Variants in TALDO1 observed in about 807,000 individuals in gnomAD.
TALDO1 encodes transaldolase 1, also known as transaldolase.
Under a neutral mutation model 38.1 loss-of-function variants are expected in TALDO1, and 29 were observed. The ratio of observed to expected loss-of-function variants is 0.76; its 90% CI spans 0.57 to 1.04. The LOEUF is 1.04. Ranked by LOEUF, TALDO1 falls within the 50% of genes least tolerant of loss-of-function variation. TALDO1 has a pLI of 0.00. For synonymous variants in TALDO1, 207 were observed against 176.8 expected (o/e 1.17, Z -1.36); for missense variants, 499 against 438.1 (o/e 1.14, Z -1.24).
chr11:763,987 C>T (rs1416091215), intron 6 of TALDO1, 43 bp downstream of exon 6: 11 of 1,593,894 alleles, frequency 6.9e-6, no homozygotes, highest in Non-Finnish European at 9.4e-6. Flanking sequence ...TCGGGCAAGG[C>T]CAGCACTGCC....
At position 760,103 on chromosome 11, in the gene TALDO1, G is replaced by T; in HGVS notation, c.330-19G>T. 1 of 1,613,578 alleles carries T rather than the reference G, an allele frequency of 6.2e-7. No individual in the cohort carries two copies. The highest frequency in any genetic ancestry group is 8.5e-7 in the Non-Finnish European group (1 of 1,179,782). On this transcript the variant is annotated intron_variant, in intron 3 of 7. Transcript: ENST00000319006. The stretch of plus-strand genomic sequence containing the variant: ...CAACCTGCGTGATCTGAGGGGATGG[G>T]TTCTTCTTGCTCCTACAGGCTCTCC...
intron 1 of TALDO1, 60 bp downstream of exon 1, chr11:747,638 G>C: frequency 7.1e-7 from 1 of 1,412,710 alleles, no homozygotes; most frequent in Non-Finnish European, 9.6e-7. Context: ...CCGGCGCCCC[G>C]ATTTCCCCGG....
chr11:760,504 G>T, intron 4 of TALDO1: 1 of 511,864 alleles, frequency 2.0e-6, no homozygotes, highest in Non-Finnish European at 3.5e-6. Flanking sequence ...ACTCAGCAGA[G>T]AAGAAAAGCC....
intron 1 of TALDO1, chr11:755,606 A>G: frequency 2.1e-6 from 1 of 477,774 alleles, no homozygotes; most frequent in East Asian, 4.0e-5. Context: ...CAGCTGTCGC[A>G]CCGCTCACTC....
intron 1 of TALDO1, among the ~76,000 whole-genome samples, chr11:753,120 G>A (rs567701556): frequency 1.9e-3 from 287 of 152,276 alleles, no homozygotes; most frequent in African/African-American, 6.3e-3. Context: ...GAGGCCGGGC[G>A]CAGTGGCTCA....
chr11:759,164 C>A, intron 3 of TALDO1, 107 bp downstream of exon 3: 1 of 940,212 alleles, frequency 1.1e-6, no homozygotes, highest in Non-Finnish European at 1.7e-6. Flanking sequence ...GTCTTCATCC[C>A]AAGGGCCCAA....
rs759996071 is a variant in TALDO1 at position 747,489 on chromosome 11, G to C, written c.8G>C (p.Ser3Thr). ...AGACCCCTCGGTCTTGCTATGTCGA[G>C]CTCACCCGTGAAGCGTCAGAGGATG... MS[S>T]SPVKRQRMES... The change falls in exon 1 of 8, where the codon AGC (serine) becomes ACC (threonine). Residue 3 changes from serine (S) to threonine (T), a missense_variant. Physicochemically the swap from Ser to Thr is moderately conservative, Grantham distance 58. Transcript: ENST00000319006. 3 of 1,597,214 alleles carry C rather than the reference G, an allele frequency of 1.9e-6. No homozygotes were observed. The Admixed American group carries it at 5.1e-5, about 27-fold the overall frequency.
rs765818478 is a variant in TALDO1, at chr11:760,111, TGCTCCTAC to T, written c.330-10_330-3del. On this transcript the variant is annotated splice_polypyrimidine_tract_variant and splice_region_variant and intron_variant, in intron 3 of 7. Transcript: ENST00000319006. ...GTGATCTGAGGGGATGGGTTCTTCT[TGCTCCTAC>T]AGGCTCTCCTTTGATAAAGATGCGA... 86 of 1,613,806 alleles carry T rather than the reference TGCTCCTAC, an allele frequency of 5.3e-5. No homozygotes were observed. In the African/African-American group the frequency reaches 1.1e-3, roughly 20 times the overall value.
chr11:764,463 G>A (rs368383843), intron 7 of TALDO1, 30 bp downstream of exon 7: 5 of 1,611,624 alleles, frequency 3.1e-6, no homozygotes, highest in Non-Finnish European at 4.2e-6. Flanking sequence ...ACCTACATAT[G>A]CCAAGCCCTA....
chr11:762,676 T>C (rs778580281), intron 4 of TALDO1, among the ~76,000 whole-genome samples: 10 of 152,240 alleles, frequency 6.6e-5, no homozygotes, highest in Non-Finnish European at 1.3e-4. Context: ...AGCAGAGCCT[T>C]GGCTGTCTCA....
chr11:762,555 C>T (rs1862956788), intron 4 of TALDO1, among the ~76,000 whole-genome samples: 1 of 152,226 alleles, frequency 6.6e-6, no homozygotes, highest in Non-Finnish European at 1.5e-5. Flanking sequence ...GCTGGAGGAA[C>T]TGCAGGCTGT....
chr11:760,343 C>T, intron 4 of TALDO1, 90 bp downstream of exon 4: 1 of 1,583,500 alleles, frequency 6.3e-7, no homozygotes, highest in South Asian at 1.1e-5. Flanking sequence ...TTGACTCTCT[C>T]AGCCCTGGGG....
intron 1 of TALDO1, 39 bp downstream of exon 1, chr11:747,617 C>T (rs1434190544): frequency 4.0e-6 from 6 of 1,504,758 alleles, no homozygotes; most frequent in Non-Finnish European, 8.9e-7. Flanking sequence ...CGCAAGCGCC[C>T]TCCAGAGGCC....
chr11:763,605 T>G (rs926607081), intron 5 of TALDO1, 86 bp downstream of exon 5: 4 of 1,589,136 alleles, frequency 2.5e-6, no homozygotes, highest in Non-Finnish European at 2.6e-6. Flanking sequence ...AGCTGCCGCA[T>G]CAACAAGCAG....
intron 3 of TALDO1, 34 bp downstream of exon 3, chr11:759,091 G>A (rs765355304): frequency 6.3e-7 from 1 of 1,579,966 alleles, no homozygotes; most frequent in South Asian, 1.1e-5. Flanking sequence ...GGATGGGCTG[G>A]TCAGGTGTCC....
intron 1 of TALDO1, among the ~76,000 whole-genome samples, chr11:751,064 T>C (rs924201820): frequency 2.6e-5 from 4 of 151,598 alleles, no homozygotes; most frequent in Non-Finnish European, 5.9e-5. Flanking sequence ...GTTTTTGGGG[T>C]TTTTTTTGAG....
chr11:748,470 G>C (rs1862695280), intron 1 of TALDO1, among the ~76,000 whole-genome samples: 1 of 152,246 alleles, frequency 6.6e-6, no homozygotes, highest in Admixed American at 6.5e-5. Flanking sequence ...GTGCAGAGTA[G>C]ACGAGCCTTG....
chr11:764,338 T>C lies in TALDO1; in HGVS notation c.886T>C (p.Trp296Arg), dbSNP rs1449553883. The C allele has an allele frequency of 6.2e-7, 1 of 1,614,244 alleles. No individual in the cohort carries two copies. Among genetic ancestry groups the C allele is most frequent in the Admixed American group, 1.7e-5 (1 of 60,032 alleles). ...CCACCTGGATGAGAAGTCTTTCCGT[T>C]GGTTGCACAACGAGGACCAGATGGC... ...KIHLDEKSFR[W>R]LHNEDQMAVE... Residue 296 changes from tryptophan to arginine, a missense_variant, in exon 7 of 8, where the codon TGG becomes CGG. Coordinates refer to ENST00000319006, the MANE Select transcript of TALDO1 (RefSeq NM_006755.2).
chr11:755,939 C>G lies in TALDO1; in HGVS notation c.158C>G (p.Ala53Gly), dbSNP rs1216265298. Residue 53 changes from alanine to glycine, a missense_variant, in exon 2 of 8, where the codon GCA (alanine) becomes GGA (glycine). By Grantham distance (60) the Ala-to-Gly change is moderately conservative. Transcript: ENST00000319006. Reference protein sequence around the residue: ...TTNPSLILAAAQMPAYQELVE... With the variant: ...TTNPSLILAAGQMPAYQELVE... Reference sequence around the variant, plus strand: ...AACCCGTCCCTGATCCTGGCCGCAGCACAGATGCCCGCTTACCAGGAGCTG... The same window carrying G: ...AACCCGTCCCTGATCCTGGCCGCAGGACAGATGCCCGCTTACCAGGAGCTG... The G allele has an allele frequency of 2.5e-6, 4 of 1,614,174 alleles. No homozygotes were observed. Among genetic ancestry groups the G allele is most frequent in the Middle Eastern group, 3.3e-4 (2 of 6,054 alleles).
Sources: gnomAD v4.1 joint callset for allele counts (sites outside exome capture counted in the v4.1 genomes callset) on GRCh38, gnomAD v4.1.1 for gene constraint, MANE v1.5 for transcripts, NCBI Gene and HGNC (gene_info 2026-07-23, HGNC 2026-07-21) for gene names.